The following SLC9A8 variants were observed in gnomAD, a reference collection of about 807,000 sequenced individuals.
The protein encoded by SLC9A8 is sodium/hydrogen exchanger 8.
In SLC9A8, 48 loss-of-function variants were observed where a neutral mutation model predicts 66.6. That is an observed-to-expected ratio of 0.72 (90% confidence interval 0.57 to 0.92). The LOEUF is 0.92. Among genes scored for constraint, SLC9A8 ranks in the 40% least tolerant of loss-of-function variants. The pLI is 0.00. For synonymous variants in SLC9A8, 274 were observed against 282.6 expected (o/e 0.97, Z 0.31); for missense variants, 599 against 747.3 (o/e 0.80, Z 2.31).
At chr20:49,814,976 C>T (rs749101462) in intron 1 of SLC9A8, 32 bp from the exon 2 acceptor site, 9 of 1,467,372 alleles carry the variant, frequency 6.1e-6, no homozygotes, top group Admixed American at 2.4e-5. Flanking sequence ...GACCCTTTTC[C>T]ATTATCTAAT....
At chr20:49,868,956 G>A (rs1006005412) in intron 10 of SLC9A8, among the ~76,000 whole-genome samples, 1 of 152,194 alleles carries the variant, frequency 6.6e-6, no homozygotes, top group African/African-American at 2.4e-5. Flanking sequence ...CTCAGCAAGC[G>A]TTAGCTATTC....
chr20:49,815,374 C>T, intron 2 of SLC9A8, 185 bp downstream of exon 2: 1 of 434,140 alleles, frequency 2.3e-6, no homozygotes, highest in Non-Finnish European at 4.0e-6. Flanking sequence ...TTTATAAAAT[C>T]ATGGTGCTTA....
intron 1 of SLC9A8, among the ~76,000 whole-genome samples, chr20:49,813,608 A>C (rs115767242): frequency 6.6e-6 from 1 of 152,218 alleles, no homozygotes; most frequent in Non-Finnish European, 1.5e-5. Context: ...GGTCATCGCC[A>C]AGGTCTGATT....
chr20:49,873,771 C>CAAAAA (rs35613935), intron 10 of SLC9A8, among the ~76,000 whole-genome samples: 14 of 60,240 alleles, frequency 2.3e-4, no homozygotes, highest in Non-Finnish European at 2.1e-4. Flanking sequence ...AACTCCGTCT[C>CAAAAA]AAAAAAAAAA....
intron 5 of SLC9A8, among the ~76,000 whole-genome samples, chr20:49,848,913 A>C (rs1221116279): frequency 1.3e-5 from 2 of 152,174 alleles, no homozygotes; most frequent in East Asian, 3.9e-4. Flanking sequence ...GTGCGAAAGC[A>C]GGTGGGGTCA....
Position 49,880,962 on chromosome 20 carries a change from T to C in SLC9A8, c.1197T>C (p.Pro399=), listed in dbSNP as rs2089606355. 4 of 1,614,010 alleles carry C rather than the reference T, an allele frequency of 2.5e-6. No homozygotes were observed. The highest frequency in any genetic ancestry group is 3.4e-6 in the Non-Finnish European group (4 of 1,179,826). The change falls in exon 13 of 16, where the codon CCT becomes CCC. Residue 399 remains proline (P), a synonymous_variant. Coordinates refer to ENST00000361573, the MANE Select transcript of SLC9A8 (RefSeq NM_015266.3). The part of the protein sequence containing the change: ...VLFGRAVNIF[P]LSYLLNFFRD... Reference sequence around the variant, plus strand: ...TTGGCAGAGCGGTAAACATTTTCCCTCTTTCCTACCTCCTGAATTTCTTCC... The same window carrying C: ...TTGGCAGAGCGGTAAACATTTTCCCCCTTTCCTACCTCCTGAATTTCTTCC...
chr20:49,836,419 C>A (rs374682069), intron 3 of SLC9A8, among the ~76,000 whole-genome samples: 2 of 152,122 alleles, frequency 1.3e-5, no homozygotes. Context: ...CTGCAACCGC[C>A]GCCTCCCAGG....
At chr20:49,818,711 G>A (rs1044707941) in intron 2 of SLC9A8, among the ~76,000 whole-genome samples, 2 of 151,876 alleles carry the variant, frequency 1.3e-5, no homozygotes, top group African/African-American at 2.4e-5. Flanking sequence ...GGCTAGTCTT[G>A]AACTCTTGAC....
At chr20:49,823,356 G>A (rs916684633) in intron 3 of SLC9A8, among the ~76,000 whole-genome samples, 1 of 152,112 alleles carries the variant, frequency 6.6e-6, no homozygotes, top group Non-Finnish European at 1.5e-5. Context: ...TCATGTAGAA[G>A]CCCAAAGGCC....
chr20:49,846,656 A>G (rs894852140), intron 5 of SLC9A8, among the ~76,000 whole-genome samples: 2 of 152,130 alleles, frequency 1.3e-5, no homozygotes, highest in Non-Finnish European at 2.9e-5. Context: ...GCTCATGCCT[A>G]TAATCCCAGC....
intron 8 of SLC9A8, among the ~76,000 whole-genome samples, chr20:49,861,249 G>C (rs2088722312): frequency 6.6e-6 from 1 of 152,200 alleles, no homozygotes; most frequent in Non-Finnish European, 1.5e-5. Context: ...CTGGTAACCT[G>C]ATCAGGTGTG....
chr20:49,864,775 T>C lies in SLC9A8; in HGVS notation c.889T>C (p.Leu297=), dbSNP rs2088893760. The C allele has an allele frequency of 6.2e-7, 1 of 1,614,208 alleles. No individual in the cohort carries two copies. The part of the protein sequence containing the change: ...KHIDLRKTPS[L]EFGMMIIFAY... ...TATTGACTTGAGGAAAACGCCTTCC[T>C]TGGAGTTTGGCATGATGATCATTTT... is the stretch of plus-strand genomic sequence containing the variant. Residue 297 remains leucine, a synonymous_variant, in exon 10 of 16, where the codon TTG becomes CTG. Transcript: ENST00000361573.
At chr20:49,870,206 A>G in intron 10 of SLC9A8, among the ~76,000 whole-genome samples, 1 of 152,260 alleles carries the variant, frequency 6.6e-6, no homozygotes, top group East Asian at 1.9e-4. Flanking sequence ...CTACATTTAT[A>G]AACAACACAA....
intron 7 of SLC9A8, among the ~76,000 whole-genome samples, chr20:49,851,692 A>G (rs1055916872): frequency 1.3e-5 from 2 of 152,072 alleles, no homozygotes; most frequent in Non-Finnish European, 2.9e-5. Flanking sequence ...ATCCAATTCT[A>G]TTTCTACCTC....
chr20:49,884,242 GACACACACACACACA>G (rs1568883443), intron 14 of SLC9A8, 176 bp downstream of exon 14: 14 of 115,446 alleles, frequency 1.2e-4, no homozygotes, highest in Non-Finnish European at 1.6e-4. Flanking sequence ...ACACACACAC[GACACACACACACACA>G]CGACACACAC....
In SLC9A8 at chr20:49,891,921, T is replaced by C. The variant is rs761267029; in HGVS notation, c.*3985T>C. 7 of 152,258 alleles carry C rather than the reference T, an allele frequency of 4.6e-5. No homozygotes were observed. The highest frequency in any genetic ancestry group is 7.3e-5 in the Non-Finnish European group (5 of 68,042). 9.4% of individuals were successfully genotyped at this position (152,258 alleles called of 1,614,324 possible). A position where few individuals can be genotyped will look rare whatever the true frequency, so the allele number is the denominator to read the frequency against. On this transcript the variant is annotated 3_prime_UTR_variant, in exon 16 of 16. Coordinates refer to ENST00000361573, the MANE Select transcript of SLC9A8 (RefSeq NM_015266.3). ...GATGTGAATCTTACATTCCTTTTCATCATTTCCTTTGTAAAAATGACGAGT... is the reference window on the plus strand; with the variant it reads ...GATGTGAATCTTACATTCCTTTTCACCATTTCCTTTGTAAAAATGACGAGT...
At chr20:49,870,538 TG>T (rs2089172758) in intron 10 of SLC9A8, among the ~76,000 whole-genome samples, 1 of 152,130 alleles carries the variant, frequency 6.6e-6, no homozygotes, top group South Asian at 2.1e-4. Flanking sequence ...AAGACCAGTG[TG>T]GCCAGGACGC....
At chr20:49,838,921 A>G (rs1207313008) in intron 3 of SLC9A8, among the ~76,000 whole-genome samples, 4 of 152,180 alleles carry the variant, frequency 2.6e-5, no homozygotes, top group African/African-American at 9.7e-5. Flanking sequence ...TCTAGGGAGT[A>G]ACAGAGCAAT....
Position 49,834,171 on chromosome 20 carries a change from CTCTCTCTCTCTCTCTATATATATATA to C in SLC9A8, c.290-5368_290-5343del, listed in dbSNP as rs1198679753. Among the ~76,000 whole-genome samples, 9 of 58,914 alleles carry C rather than the reference CTCTCTCTCTCTCTCTATATATATATA, an allele frequency of 1.5e-4. 1 individual carries two copies. The South Asian group carries it at 3.9e-3, about 25-fold the overall frequency. The allele number at this position is 58,914 out of a possible 152,430, so 38.6% of individuals were successfully genotyped here. On this transcript the variant is annotated intron_variant, in intron 3 of 15. Coordinates refer to ENST00000361573, the MANE Select transcript of SLC9A8 (RefSeq NM_015266.3). The stretch of plus-strand genomic sequence containing the variant: ...TCTCTCTCTCTCTCTCTCTCTCTCT[CTCTCTCTCTCTCTCTATATATATATA>C]TATATATATATATATATACACACAC...
Sources: allele counts gnomAD v4.1 joint callset (sites outside exome capture counted in the v4.1 genomes callset), GRCh38; gene constraint gnomAD v4.1.1; transcripts MANE v1.5; gene names NCBI Gene and HGNC (gene_info 2026-07-23, HGNC 2026-07-21).